The following HTR3E variants were observed in gnomAD, a reference collection of about 807,000 sequenced individuals.
HTR3E encodes 5-hydroxytryptamine receptor 3E, also known as 5-hydroxytryptamine (serotonin) receptor 3, family member E.
In HTR3E, 38 loss-of-function variants were observed where a neutral mutation model predicts 38.0. That is an observed-to-expected ratio of 1.00 (90% CI 0.77 to 1.31). The LOEUF (loss-of-function observed/expected upper bound fraction) is 1.31. Among genes scored for constraint, HTR3E ranks in the 50% most tolerant of loss-of-function variants. The pLI is 0.00. For synonymous variants in HTR3E, 210 were observed against 232.9 expected (o/e 0.90, Z 0.89); for missense variants, 547 against 585.2 (o/e 0.93, Z 0.67).
At position 184,106,533 on chromosome 3, in the gene HTR3E, C is replaced by T. The variant is rs1712473223; in HGVS notation, c.1211C>T (p.Ser404Leu). 5.6e-6 allele frequency: 9 copies of T among 1,613,700 alleles called. No homozygotes were observed. The highest frequency in any genetic ancestry group is 7.6e-6 in the Non-Finnish European group (9 of 1,179,774). Residue 404 changes from serine to leucine, a missense_variant, in exon 9 of 9, where the codon TCA becomes TTA. Coordinates refer to ENST00000415389, the MANE Select transcript of HTR3E (RefSeq NM_001256613.2). The surrounding 1 kb of genome is among the most constrained non-coding windows in gnomAD (Gnocchi z 4.1). ...GCGGAGGCAGAGCTGACAGGGGGCT[C>T]AGAATGGACAAGGGCCCAGCGGGAA... ...GPAEAELTGGSEWTRAQREHE... is the reference protein window; with the variant it reads ...GPAEAELTGGLEWTRAQREHE...
intron 4 of HTR3E, among the ~76,000 whole-genome samples, 153 bp from the exon 5 acceptor site, chr3:184,104,634 T>A (rs539719905): frequency 1.3e-5 from 2 of 150,352 alleles, no homozygotes; most frequent in East Asian, 3.9e-4. Context: ...GGAGGATCAT[T>A]TGAGCCCAGG....
At chr3:184,101,022 C>T (rs1446072725) in intron 2 of HTR3E, among the ~76,000 whole-genome samples, 1 of 152,190 alleles carries the variant, frequency 6.6e-6, no homozygotes, top group Admixed American at 6.5e-5. Flanking sequence ...TGGCTCACTG[C>T]AACCTCCACC....
rs544000873 is a variant in HTR3E, at chr3:184,106,481, G to A, written c.1159G>A (p.Val387Ile). The change falls in exon 9 of 9, where the codon GTA becomes ATA. Residue 387 changes from valine (V) to isoleucine (I), a missense_variant. By Grantham distance (29) the Val-to-Ile change is conservative (BLOSUM62 3). Coordinates refer to ENST00000415389, the MANE Select transcript of HTR3E (RefSeq NM_001256613.2). The surrounding 1 kb of genome is among the most constrained non-coding windows in gnomAD (Gnocchi z 4.1). Reference sequence around the variant, plus strand: ...TTCTGTAGGTGTGAAGGAGCCAGAGGTATCAGCAGGGCAGATGCCGGGCCC... The same window carrying A: ...TTCTGTAGGTGTGAAGGAGCCAGAGATATCAGCAGGGCAGATGCCGGGCCC... ...THLPGVKEPE[V>I]SAGQMPGPAE... 6 of 1,599,026 alleles carry A rather than the reference G, an allele frequency of 3.8e-6. No individual in the cohort carries two copies. The East Asian group carries it at 1.1e-4, about 30-fold the overall frequency.
chr3:184,106,359 T>C lies in HTR3E; in HGVS notation c.1141+16T>C, dbSNP rs1382639932. The C allele has an allele frequency of 6.3e-7, 1 of 1,597,344 alleles. No individual in the cohort carries two copies. Among genetic ancestry groups the C allele is most frequent in the Admixed American group, 1.8e-5 (1 of 57,012 alleles). On this transcript the variant is annotated intron_variant, in intron 8 of 8. Coordinates refer to ENST00000415389, the MANE Select transcript of HTR3E (RefSeq NM_001256613.2). This position sits in a 1 kb window ranked among gnomAD's most constrained non-coding sequence, Gnocchi z 4.1. ...CACCTGCCCGGTGAGGGAAGTCACA[T>C]TCCTCTTCCCCCACCTCCACTTCTC...
intron 4 of HTR3E, among the ~76,000 whole-genome samples, chr3:184,104,541 TAA>T (rs11320996): frequency 0.025 from 2,989 of 119,190 alleles, 89 homozygotes; most frequent in African/African-American, 0.075. Context: ...CCTCATCTCT[TAA>T]AAAAAAAAAA....
Position 184,106,622 on chromosome 3 carries a change from A to G in HTR3E, c.1300A>G (p.Met434Val). 6.2e-7 allele frequency: 1 copy of G among 1,614,182 alleles called. No individual in the cohort carries two copies. The highest frequency in any genetic ancestry group is 8.5e-7 in the Non-Finnish European group (1 of 1,180,028). The change falls in exon 9 of 9, where the codon ATG becomes GTG. Residue 434 changes from methionine to valine, a missense_variant. Physicochemically the swap from Met to Val is conservative, Grantham distance 21. Coordinates refer to ENST00000415389, the MANE Select transcript of HTR3E (RefSeq NM_001256613.2). This position sits in a 1 kb window ranked among gnomAD's most constrained non-coding sequence, Gnocchi z 4.1. ...WLQFSHAMDA[M>V]LFRLYLLFMA... Reference sequence around the variant, plus strand: ...GCAGTTCAGCCACGCGATGGACGCCATGCTCTTCCGCCTCTACCTGCTCTT... The same window carrying G: ...GCAGTTCAGCCACGCGATGGACGCCGTGCTCTTCCGCCTCTACCTGCTCTT...
intron 2 of HTR3E, 91 bp from the exon 3 acceptor site, chr3:184,101,394 C>T (rs1169518884): frequency 4.6e-5 from 48 of 1,053,208 alleles, no homozygotes; most frequent in Non-Finnish European, 6.7e-5. Context: ...CTTTATATAC[C>T]TTGGGAGTTG....
At chr3:184,104,072 G>T in intron 3 of HTR3E, 110 bp from the exon 4 acceptor site, 6 of 658,352 alleles carry the variant, frequency 9.1e-6, no homozygotes, top group South Asian at 3.6e-5. Flanking sequence ...ATAGATGTTT[G>T]TCACAGCATT....
At chr3:184,104,533 T>G in intron 4 of HTR3E, 2 of 466,472 alleles carry the variant, frequency 4.3e-6, no homozygotes, top group Non-Finnish European at 3.5e-6. Flanking sequence ...TGGTGAAACC[T>G]CATCTCTTAA....
chr3:184,101,907 T>C (rs369890214), intron 3 of HTR3E, among the ~76,000 whole-genome samples: 2 of 152,216 alleles, frequency 1.3e-5, no homozygotes, highest in Admixed American at 1.3e-4. Flanking sequence ...GGAAAATCAC[T>C]TGAACCTGGG....
At chr3:184,105,205 T>C in intron 5 of HTR3E, 62 bp from the exon 6 acceptor site, 2 of 1,501,058 alleles carry the variant, frequency 1.3e-6, no homozygotes, top group South Asian at 2.6e-5. Flanking sequence ...GGAAAAAGAG[T>C]GCAGTTGAGC....
chr3:184,101,393 C>A, intron 2 of HTR3E, 92 bp from the exon 3 acceptor site: 1 of 1,032,306 alleles, frequency 9.7e-7, no homozygotes, highest in South Asian at 1.3e-5. Context: ...CCTTTATATA[C>A]CTTGGGAGTT....
At chr3:184,103,874 G>A (rs1033604068) in intron 3 of HTR3E, among the ~76,000 whole-genome samples, 1 of 151,834 alleles carries the variant, frequency 6.6e-6, no homozygotes, top group African/African-American at 2.4e-5. Context: ...GGAAGGAGCT[G>A]GAGAAAGATA....
chr3:184,100,270 G>T, intron 1 of HTR3E: 1 of 1,374,558 alleles, frequency 7.3e-7, no homozygotes, highest in Non-Finnish European at 1.0e-6. Flanking sequence ...TATTACATGA[G>T]GGTAAAGCAG....
rs1712412872 is a variant in HTR3E, at chr3:184,105,919, T to C, written c.875T>C (p.Phe292Ser). ...ACGCTCCTGCTGGGCTACAACGTCT[T>C]CCTGCTCATGATGAGTGACTTGCTC... Reference protein sequence around the residue: ...KITLLLGYNVFLLMMSDLLPT... With the variant: ...KITLLLGYNVSLLMMSDLLPT... The change falls in exon 7 of 9, where the codon TTC becomes TCC. Residue 292 changes from phenylalanine (F) to serine (S), a missense_variant. Coordinates refer to ENST00000415389, the MANE Select transcript of HTR3E (RefSeq NM_001256613.2). 6.2e-7 allele frequency: 1 copy of C among 1,614,156 alleles called. No individual in the cohort carries two copies. The highest frequency in any genetic ancestry group is 1.3e-5 in the African/African-American group (1 of 75,030).
rs772880857 is a variant in HTR3E at position 184,106,625 on chromosome 3, C to G, written c.1303C>G (p.Leu435Val). 1.9e-6 allele frequency: 3 copies of G among 1,614,204 alleles called. No individual in the cohort carries two copies. The African/African-American group carries it at 4.0e-5, about 22-fold the overall frequency. ...LQFSHAMDAM[L>V]FRLYLLFMAS... ...GTTCAGCCACGCGATGGACGCCATG[C>G]TCTTCCGCCTCTACCTGCTCTTCAT... Residue 435 changes from leucine to valine, a missense_variant, in exon 9 of 9, where the codon CTC becomes GTC. By Grantham distance (32) the Leu-to-Val change is conservative. Transcript: ENST00000415389. This position sits in a 1 kb window ranked among gnomAD's most constrained non-coding sequence, Gnocchi z 4.1.
At chr3:184,098,711 AT>A (rs1374483937) in intron 1 of HTR3E, among the ~76,000 whole-genome samples, 1 of 152,182 alleles carries the variant, frequency 6.6e-6, no homozygotes, top group African/African-American at 2.4e-5. Context: ...CCTCCAACAC[AT>A]TTTCATGACT....
Position 184,105,822 on chromosome 3 carries a change from T to C in HTR3E, c.778T>C (p.Phe260Leu), listed in dbSNP as rs766660011. 2 of 1,614,182 alleles carry C rather than the reference T, an allele frequency of 1.2e-6. No individual in the cohort carries two copies. The highest frequency in any genetic ancestry group is 1.7e-6 in the Non-Finnish European group (2 of 1,180,038). ...YVINLLVPSG[F>L]LVAIDALSFY... ...CATAAACCTTCTCGTGCCCAGTGGC[T>C]TTCTGGTTGCCATCGATGCCCTCAG... Residue 260 changes from phenylalanine to leucine, a missense_variant, in exon 7 of 9, where the codon TTT (phenylalanine) becomes CTT (leucine). Transcript: ENST00000415389.
intron 1 of HTR3E, chr3:184,100,090 G>C: frequency 8.2e-7 from 1 of 1,226,278 alleles, no homozygotes; most frequent in East Asian, 3.8e-5. Flanking sequence ...AGAGCCCAGC[G>C]TCTGGACCCC....
Sources: allele counts gnomAD v4.1 joint callset (sites outside exome capture counted in the v4.1 genomes callset), GRCh38; gene constraint gnomAD v4.1.1; non-coding constraint Gnocchi (gnomAD v3.1); transcripts MANE v1.5; gene names NCBI Gene and HGNC (gene_info 2026-07-23, HGNC 2026-07-21).